Variants in TRDN observed in about 807,000 individuals in gnomAD.
TRDN encodes the protein triadin.
In TRDN, 161 loss-of-function variants were observed where a neutral mutation model predicts 149.7. That is an observed-to-expected ratio of 1.08 (90% CI 0.95 to 1.23). The LOEUF (loss-of-function observed/expected upper bound fraction) is 1.23, where lower values mean the gene tolerates loss of function less well. Among genes scored for constraint, TRDN ranks in the 50% most tolerant of loss-of-function variants. The pLI is 0.00. For synonymous variants in TRDN, 294 were observed against 250.5 expected, an observed-to-expected ratio of 1.17 and a Z score of -1.64; for missense variants, 896 against 823.5, an observed-to-expected ratio of 1.09 and a Z score of -1.08.
chr6:123,532,622 C>A (rs1405426823), intron 4 of TRDN, among the ~76,000 whole-genome samples: 3 of 151,902 alleles, frequency 2.0e-5, no homozygotes, highest in Admixed American at 2.0e-4. Flanking sequence ...TTCCCACAAT[C>A]GCATAATCCA....
chr6:123,342,091 A>G (rs1780083938), intron 21 of TRDN, among the ~76,000 whole-genome samples: 2 of 152,068 alleles, frequency 1.3e-5, no homozygotes, highest in South Asian at 4.1e-4. Flanking sequence ...GTATTCATAT[A>G]TACACACTTT....
At chr6:123,442,982 A>G (rs1203347953) in intron 10 of TRDN, among the ~76,000 whole-genome samples, 1 of 152,134 alleles carries the variant, frequency 6.6e-6, no homozygotes, top group Non-Finnish European at 1.5e-5. Flanking sequence ...CTTCAACCAT[A>G]AAAGGCAGAG....
chr6:123,632,443 C>T (rs906369717), intron 1 of TRDN, among the ~76,000 whole-genome samples: 3 of 151,986 alleles, frequency 2.0e-5, no homozygotes, highest in African/African-American at 4.8e-5. Context: ...TGGGTCTGTG[C>T]ATTGCCCTCA....
At chr6:123,614,308 AAAAAAAC>A (rs1562427366) in intron 1 of TRDN, among the ~76,000 whole-genome samples, 8 of 144,416 alleles carry the variant, frequency 5.5e-5, no homozygotes, top group South Asian at 2.1e-4. Flanking sequence ...AACAAAAAAA[AAAAAAAC>A]AAAAAAAACC....
chr6:123,529,156 C>G, intron 5 of TRDN: 8 of 1,539,222 alleles, frequency 5.2e-6, no homozygotes, highest in Non-Finnish European at 7.0e-6. Flanking sequence ...ATAGCACAGT[C>G]TGCAAGAAAA....
chr6:123,566,000 C>T (rs913135468), intron 2 of TRDN, among the ~76,000 whole-genome samples: 2 of 152,164 alleles, frequency 1.3e-5, no homozygotes, highest in Non-Finnish European at 2.9e-5. Flanking sequence ...ATTGCAACAG[C>T]CTTACATAGA....
chr6:123,531,303 A>G (rs1780242012), intron 4 of TRDN, among the ~76,000 whole-genome samples: 1 of 152,060 alleles, frequency 6.6e-6, no homozygotes, highest in Non-Finnish European at 1.5e-5. Context: ...TCTTAAATAT[A>G]GTGTTTTTTC....
chr6:123,464,894 A>AG lies in TRDN; in HGVS notation c.931+11_931+12insC. The AG allele has an allele frequency of 6.4e-7, 1 of 1,566,130 alleles. No individual in the cohort carries two copies. Among genetic ancestry groups the AG allele is most frequent in the Non-Finnish European group, 8.7e-7 (1 of 1,154,492 alleles). ...TACAATAGAGATCTTTAAGAAAAAAAAAAGTACTTGCCTTCAAGGGCAGGT... is the reference window on the plus strand; with the variant it reads ...TACAATAGAGATCTTTAAGAAAAAAAGAAAGTACTTGCCTTCAAGGGCAGGT... On this transcript the variant is annotated intron_variant, in intron 10 of 40. Transcript: ENST00000334268.
chr6:123,438,548 A>C (rs775677771), intron 11 of TRDN, among the ~76,000 whole-genome samples: 5 of 152,168 alleles, frequency 3.3e-5, no homozygotes, highest in African/African-American at 4.8e-5. Context: ...CAATTAAAAT[A>C]TATATATATG....
chr6:123,481,923 T>C (rs1777767657), intron 9 of TRDN, among the ~76,000 whole-genome samples: 2 of 152,220 alleles, frequency 1.3e-5, no homozygotes, highest in African/African-American at 4.8e-5. Context: ...CTCTGTTATT[T>C]AGAGATCTAA....
Position 123,316,447 on chromosome 6 carries a change from A to G in TRDN, c.1510+10T>C, listed in dbSNP as rs762076675. The G allele has an allele frequency of 8.1e-6, 13 of 1,609,830 alleles. No individual in the cohort carries two copies. Among genetic ancestry groups the G allele is most frequent in the Non-Finnish European group, 1.1e-5 (13 of 1,177,224 alleles). ...TCTCCTTGTATGTAAATCTTACAAA[A>G]TATCCTTACCTGCTTTGGACATCTT... On this transcript the variant is annotated intron_variant, in intron 24 of 40. Coordinates refer to ENST00000334268, the MANE Select transcript of TRDN (RefSeq NM_006073.4).
intron 23 of TRDN, among the ~76,000 whole-genome samples, chr6:123,324,070 C>A (rs556174033): frequency 2.0e-4 from 30 of 152,250 alleles, no homozygotes; most frequent in African/African-American, 6.3e-4. Flanking sequence ...TCAATGAGTT[C>A]AGAAAGTTGT....
chr6:123,545,564 A>G (rs1781070667), intron 4 of TRDN, among the ~76,000 whole-genome samples: 1 of 151,852 alleles, frequency 6.6e-6, no homozygotes, highest in Non-Finnish European at 1.5e-5. Context: ...AATTTTTTTC[A>G]TGTAACTGTG....
intron 21 of TRDN, 116 bp downstream of exon 21, chr6:123,352,423 T>A (rs570317559): frequency 6.8e-7 from 1 of 1,463,484 alleles, no homozygotes; most frequent in Admixed American, 2.8e-5. Context: ...AGGACAGTGA[T>A]AAAGAGTAAT....
At position 123,218,726 on chromosome 6, in the gene TRDN, A is replaced by G; in HGVS notation, c.2065T>C (p.Phe689Leu). Reference sequence around the variant, plus strand: ...TACCCATCCAAGTAGACACACTGGAAGAAACTGATGGGACCTAAGGAACAG... The same window carrying G: ...TACCCATCCAAGTAGACACACTGGAGGAAACTGATGGGACCTAAGGAACAG... Reference protein sequence around the residue: ...PTKQKSPISFFQCVYLDGYNG... With the variant: ...PTKQKSPISFLQCVYLDGYNG... The change falls in exon 41 of 41, where the codon TTC (phenylalanine) becomes CTC (leucine). Residue 689 changes from phenylalanine (F) to leucine (L), a missense_variant. Transcript: ENST00000334268. 1 of 1,575,386 alleles carries G rather than the reference A, an allele frequency of 6.3e-7. No individual in the cohort carries two copies. The highest frequency in any genetic ancestry group is 8.6e-7 in the Non-Finnish European group (1 of 1,158,016).
chr6:123,526,543 A>G (rs1044294881), intron 5 of TRDN, among the ~76,000 whole-genome samples: 4 of 152,122 alleles, frequency 2.6e-5, no homozygotes, highest in Non-Finnish European at 5.9e-5. Flanking sequence ...ACTAAACTTG[A>G]CACAATGATT....
At position 123,438,974 on chromosome 6, in the gene TRDN, T is replaced by G; in HGVS notation, c.961A>C (p.Lys321Gln). 4 of 1,561,954 alleles carry G rather than the reference T, an allele frequency of 2.6e-6. No homozygotes were observed. The highest frequency in any genetic ancestry group is 3.5e-6 in the Non-Finnish European group (4 of 1,151,758). ...EKEGEKKKAE[K>Q]KVTSETKKKE... ...TTTTTTGTTTCAGAAGTAACTTTCT[T>G]CTCAGCCTTCTTCTTTTCCCCTTCT... The change falls in exon 11 of 41, where the codon AAG (lysine) becomes CAG (glutamine). Residue 321 changes from lysine (K) to glutamine (Q), a missense_variant. Lys to Gln is a moderately conservative substitution (Grantham distance 53, BLOSUM62 1). Coordinates refer to ENST00000334268, the MANE Select transcript of TRDN (RefSeq NM_006073.4).
intron 38 of TRDN, among the ~76,000 whole-genome samples, chr6:123,251,912 T>C (rs1416080432): frequency 6.6e-6 from 1 of 152,008 alleles, no homozygotes; most frequent in Non-Finnish European, 1.5e-5. Context: ...TTAGGTTTCT[T>C]AGATATACAA....
intron 12 of TRDN, among the ~76,000 whole-genome samples, chr6:123,397,977 T>C (rs1772802151): frequency 6.6e-6 from 1 of 152,288 alleles, no homozygotes; most frequent in East Asian, 1.9e-4. Context: ...ACTTCATCAA[T>C]ATTACAAGGA....
Sources: allele counts gnomAD v4.1 joint callset (sites outside exome capture counted in the v4.1 genomes callset), GRCh38; gene constraint gnomAD v4.1.1; transcripts MANE v1.5; gene names NCBI Gene and HGNC (gene_info 2026-07-23, HGNC 2026-07-21).